The following DAPK2 variants were observed in gnomAD, a reference collection of about 807,000 sequenced individuals.
DAPK2 encodes death associated protein kinase 2, also known as death-associated protein kinase 2.
A neutral mutation model predicts 44.1 loss-of-function variants in DAPK2; 35 were observed. That is an observed-to-expected ratio of 0.79 (90% CI 0.61 to 1.05). DAPK2 has a LOEUF of 1.05. DAPK2 is among the 50% of genes least tolerant of loss of function. DAPK2 has a pLI of 0.00. For missense variants in DAPK2, 453 were observed against 483.2 expected, an observed-to-expected ratio of 0.94 and a Z score of 0.59; for synonymous variants, 174 against 182.6, an observed-to-expected ratio of 0.95 and a Z score of 0.38.
At chr15:63,940,023 C>A (rs972195446) in intron 3 of DAPK2, among the ~76,000 whole-genome samples, 1 of 152,230 alleles carries the variant, frequency 6.6e-6, no homozygotes, top group Admixed American at 6.5e-5. Context: ...TCTGACACAA[C>A]AATGCAGGTG....
At chr15:64,000,803 G>C (rs1203256093) in intron 1 of DAPK2, among the ~76,000 whole-genome samples, 1 of 152,068 alleles carries the variant, frequency 6.6e-6, no homozygotes, top group East Asian at 1.9e-4. Flanking sequence ...AGTGTCTGAT[G>C]AGTGTAAAAT....
intron 1 of DAPK2, among the ~76,000 whole-genome samples, chr15:64,026,180 C>T (rs769008316): frequency 2.6e-5 from 4 of 152,208 alleles, no homozygotes; most frequent in Non-Finnish European, 2.9e-5. Flanking sequence ...GACCTCCCAC[C>T]TGCCCTACCA....
rs546956496 is a variant in DAPK2 at position 63,922,165 on chromosome 15, C to T, written c.858+2651G>A. On this transcript the variant is annotated intron_variant, in intron 8 of 10. Transcript: ENST00000261891. ...AAATAATAATAATAATAATGCCACC[C>T]ACCTTCCTATCTCACTGAGTTCTTT... 73 of 353,292 alleles carry T rather than the reference C, an allele frequency of 2.1e-4. No homozygotes were observed. The South Asian group carries it at 6.8e-3, about 33-fold the overall frequency. 21.9% of individuals were successfully genotyped at this position (353,292 alleles called of 1,614,324 possible).
chr15:63,951,809 G>A (rs1024721136), intron 3 of DAPK2, among the ~76,000 whole-genome samples: 27 of 152,310 alleles, frequency 1.8e-4, no homozygotes, highest in Non-Finnish European at 2.4e-4. Flanking sequence ...TTGGCCATCC[G>A]TGTGTGTGCC....
At chr15:63,952,083 T>C (rs1389429075) in intron 3 of DAPK2, among the ~76,000 whole-genome samples, 3 of 152,006 alleles carry the variant, frequency 2.0e-5, no homozygotes, top group Non-Finnish European at 2.9e-5. Context: ...CTACTAAAAA[T>C]ACAAACATTA....
At chr15:63,986,695 T>C (rs963313217) in intron 1 of DAPK2, among the ~76,000 whole-genome samples, 2 of 152,230 alleles carry the variant, frequency 1.3e-5, no homozygotes, top group African/African-American at 2.4e-5. Flanking sequence ...CTTTAAATCC[T>C]AGAGCAGTGG....
exon 7 of DAPK2, chr15:63,926,038 T>C: frequency 6.2e-6 from 10 of 1,614,092 alleles, no homozygotes; most frequent in Non-Finnish European, 8.5e-6. Flanking sequence ...ACTGCTGTGA[T>C]ATTTGCCAGT....
intron 3 of DAPK2, among the ~76,000 whole-genome samples, chr15:63,967,023 C>T (rs1188646864): frequency 2.0e-5 from 3 of 151,702 alleles, no homozygotes; most frequent in African/African-American, 4.8e-5. Flanking sequence ...ACTAAAAATA[C>T]AAAAAAATTA....
At chr15:63,938,645 T>C (rs2077226093) in intron 4 of DAPK2, among the ~76,000 whole-genome samples, 1 of 152,102 alleles carries the variant, frequency 6.6e-6, no homozygotes, top group Admixed American at 6.5e-5. Context: ...ATGACCCCAA[T>C]CTCCGGCCCA....
At chr15:63,992,579 G>T (rs563832255) in intron 1 of DAPK2, among the ~76,000 whole-genome samples, 3 of 152,308 alleles carry the variant, frequency 2.0e-5, no homozygotes, top group South Asian at 4.1e-4. Context: ...AGCTGGAGAG[G>T]CAGGGAGTGA....
At chr15:63,998,969 G>A (rs1421049960) in intron 1 of DAPK2, among the ~76,000 whole-genome samples, 2 of 152,158 alleles carry the variant, frequency 1.3e-5, no homozygotes, top group African/African-American at 2.4e-5. Flanking sequence ...TTTCCTAAAG[G>A]AAATATTCTA....
At chr15:63,927,717 ATG>A (rs1226487879) in intron 6 of DAPK2, among the ~76,000 whole-genome samples, 2 of 150,500 alleles carry the variant, frequency 1.3e-5, no homozygotes, top group Admixed American at 1.3e-4. Context: ...CAAGAAGACT[ATG>A]TGCTCAGTAG....
intron 8 of DAPK2, chr15:63,924,377 T>A (rs1232726995): frequency 6.2e-6 from 1 of 160,770 alleles, no homozygotes; most frequent in African/African-American, 2.4e-5. Context: ...GTGGCTGATT[T>A]AAGTGTCATC....
chr15:63,998,167 TCAGA>T (rs2078997117), intron 1 of DAPK2, among the ~76,000 whole-genome samples: 1 of 152,160 alleles, frequency 6.6e-6, no homozygotes, highest in African/African-American at 2.4e-5. Flanking sequence ...GATGAAGCAG[TCAGA>T]CAGTGAGTGT....
chr15:63,941,398 C>A (rs1258205942), intron 3 of DAPK2, among the ~76,000 whole-genome samples: 1 of 152,228 alleles, frequency 6.6e-6, no homozygotes, highest in Non-Finnish European at 1.5e-5. Context: ...GCTCCCCTAC[C>A]AGAGCTGTCC....
intron 1 of DAPK2, among the ~76,000 whole-genome samples, chr15:64,016,332 G>A (rs564617158): frequency 1.3e-5 from 2 of 152,240 alleles, no homozygotes; most frequent in South Asian, 2.1e-4. Context: ...TTATCACAGA[G>A]AGGCAGTGTA....
upstream of DAPK2, among the ~76,000 whole-genome samples, chr15:64,041,662 C>A (rs1034916878): frequency 6.6e-6 from 1 of 152,232 alleles, no homozygotes; most frequent in African/African-American, 2.4e-5. Flanking sequence ...CACACATGGG[C>A]TCCACGAACC....
intron 3 of DAPK2, among the ~76,000 whole-genome samples, chr15:63,958,347 CTTTAA>C (rs2077787142): frequency 6.6e-6 from 1 of 152,150 alleles, no homozygotes; most frequent in African/African-American, 2.4e-5. Context: ...TGCAGAAGCT[CTTTAA>C]TTTAATTAGC....
Position 63,966,925 on chromosome 15 carries a change from A to T in DAPK2, c.453+4498T>A, listed in dbSNP as rs538773622. Among the ~76,000 whole-genome samples the T allele has an allele frequency of 2.2e-4, 33 of 152,326 alleles. No individual in the cohort carries two copies. The highest frequency in any genetic ancestry group is 1.2e-3 in the South Asian group (6 of 4,826). On this transcript the variant is annotated intron_variant, in intron 3 of 10. Coordinates refer to ENST00000261891, the Ensembl canonical transcript of DAPK2. This position sits in a 1 kb window ranked among gnomAD's most constrained non-coding sequence, Gnocchi z 5.5. ...GCCGGGCGCAGTGGCTCACACCTGT[A>T]ATCCCAGCACTTTGGGAGGCCGAGG...
Sources: allele counts gnomAD v4.1 joint callset (sites outside exome capture counted in the v4.1 genomes callset), GRCh38; gene constraint gnomAD v4.1.1; non-coding constraint Gnocchi (gnomAD v3.1); transcripts MANE v1.5; gene names NCBI Gene and HGNC (gene_info 2026-07-23, HGNC 2026-07-21).